Variants in SLC2A8 observed in about 807,000 individuals in gnomAD.
The protein encoded by SLC2A8 is solute carrier family 2 member 8.
In SLC2A8, 53 loss-of-function variants were observed where a neutral mutation model predicts 49.2. The observed-to-expected ratio is 1.08, with a 90% CI of 0.86 to 1.35. The LOEUF is 1.35. Ranked by LOEUF, SLC2A8 falls within the 40% of genes most tolerant of loss-of-function variation. The probability of loss-of-function intolerance (pLI) is 0.00; values close to 1 mark genes in which losing one functional copy is unlikely to be tolerated. For synonymous variants in SLC2A8, 299 were observed against 297.0 expected (o/e 1.01, Z -0.07); for missense variants, 688 against 671.7 (o/e 1.02, Z -0.27).
At chr9:127,402,170 C>A (rs547225516) in intron 4 of SLC2A8, among the ~76,000 whole-genome samples, 2 of 152,350 alleles carry the variant, frequency 1.3e-5, no homozygotes, top group Admixed American at 1.3e-4. Flanking sequence ...TTCTTGGTAG[C>A]CTTCAGAGAG....
chr9:127,402,241 G>A (rs1833315854), intron 4 of SLC2A8: 1 of 306,396 alleles, frequency 3.3e-6, no homozygotes, highest in African/African-American at 2.1e-5. Context: ...TACAAATGGT[G>A]CCACATCATA....
At position 127,403,689 on chromosome 9, in the gene SLC2A8, C is replaced by G. The variant is rs754447765; in HGVS notation, c.753C>G (p.Pro251=). 1 of 1,612,950 alleles carries G rather than the reference C, an allele frequency of 6.2e-7. No homozygotes were observed. Among genetic ancestry groups the G allele is most frequent in the East Asian group, 2.2e-5 (1 of 44,884 alleles). ...TTCACCTGGCCCTGCTGCGGCAGCC[C>G]GGCATCTACAAGCCCTTCATCATCG... The part of the protein sequence containing the change: ...QSFHLALLRQ[P]GIYKPFIIGV... The change falls in exon 6 of 10, where the codon CCC becomes CCG. Residue 251 remains proline (P), a synonymous_variant. Coordinates refer to ENST00000373371, the MANE Select transcript of SLC2A8 (RefSeq NM_014580.5).
rs1229614302 is a variant in SLC2A8 at position 127,404,920 on chromosome 9, CT to C, written c.1080del (p.Ala361HisfsTer64). 1 of 1,612,334 alleles carries C rather than the reference CT, an allele frequency of 6.2e-7. No homozygotes were observed. The highest frequency in any genetic ancestry group is 1.3e-5 in the African/African-American group (1 of 74,944). On this transcript the variant is annotated frameshift_variant, in exon 8 of 10. Coordinates refer to ENST00000373371, the MANE Select transcript of SLC2A8 (RefSeq NM_014580.5). LOFTEE classifies it high-confidence loss of function. ...CACGTGGCCATCTCGGCGCCTGTCTCTGCACAGCCTGTTGATGCCAGCGTGG... is the reference window on the plus strand; with the variant it reads ...CACGTGGCCATCTCGGCGCCTGTCTCGCACAGCCTGTTGATGCCAGCGTGG... ...SSHVAISAPV[S>X]AQPVDASVGL...
intron 8 of SLC2A8, among the ~76,000 whole-genome samples, 159 bp from the exon 9 acceptor site, chr9:127,405,261 G>A (rs1033571596): frequency 1.3e-5 from 2 of 152,200 alleles, no homozygotes; most frequent in Non-Finnish European, 2.9e-5. Flanking sequence ...GAGGCTGGCC[G>A]AGGCCTTGGC....
At chr9:127,400,125 C>G in intron 4 of SLC2A8, 119 bp downstream of exon 4, 2 of 702,416 alleles carry the variant, frequency 2.8e-6, no homozygotes, top group Non-Finnish European at 4.6e-6. Context: ...CAGTGCCCAA[C>G]ATGCCAGGCT....
At chr9:127,403,608 C>T (rs576676169) in intron 5 of SLC2A8, 52 bp from the exon 6 acceptor site, 19 of 1,608,162 alleles carry the variant, frequency 1.2e-5, no homozygotes, top group Non-Finnish European at 1.4e-5. Context: ...AGAGGGGGGC[C>T]GCTTGCGGGA....
At chr9:127,404,261 G>A (rs988971000) in intron 7 of SLC2A8, 194 bp downstream of exon 7, 36 of 543,232 alleles carry the variant, frequency 6.6e-5, no homozygotes, top group Admixed American at 1.0e-4. Flanking sequence ...CCCACACCAC[G>A]CCTTTAACCT....
chr9:127,405,510 T>G lies in SLC2A8; in HGVS notation c.1241T>G (p.Val414Gly). 6.2e-7 allele frequency: 1 copy of G among 1,613,252 alleles called. No individual in the cohort carries two copies. The highest frequency in any genetic ancestry group is 1.7e-5 in the Admixed American group (1 of 60,026). ...HVKGVATGICVLTNWLMAFLV... is the reference protein window; with the variant it reads ...HVKGVATGICGLTNWLMAFLV... ...AAGGGCGTGGCGACAGGCATCTGCGTCCTCACCAACTGGCTCATGGCCTTT... is the reference window on the plus strand; with the variant it reads ...AAGGGCGTGGCGACAGGCATCTGCGGCCTCACCAACTGGCTCATGGCCTTT... Residue 414 changes from valine (V) to glycine (G), a missense_variant, in exon 9 of 10, where the codon GTC (valine) becomes GGC (glycine). Physicochemically the swap from Val to Gly is moderately radical, Grantham distance 109. Coordinates refer to ENST00000373371, the MANE Select transcript of SLC2A8 (RefSeq NM_014580.5).
Position 127,405,426 on chromosome 9 carries a change from C to G in SLC2A8, c.1157C>G (p.Ala386Gly). The change falls in exon 9 of 10, where the codon GCG becomes GGG. Residue 386 changes from alanine (A) to glycine (G), a missense_variant. Coordinates refer to ENST00000373371, the MANE Select transcript of SLC2A8 (RefSeq NM_014580.5). ...GCCTGTCTCGCTCCCACAGGCTTTGCGGTGGGCTGGGGGCCCATCCCCTGG... is the reference window on the plus strand; with the variant it reads ...GCCTGTCTCGCTCCCACAGGCTTTGGGGTGGGCTGGGGGCCCATCCCCTGG... ...GSMCLFIAGF[A>G]VGWGPIPWLL... The G allele has an allele frequency of 6.2e-7, 1 of 1,612,550 alleles. No homozygotes were observed. Among genetic ancestry groups the G allele is most frequent in the Non-Finnish European group, 8.5e-7 (1 of 1,179,948 alleles).
intron 4 of SLC2A8, 86 bp downstream of exon 4, chr9:127,400,092 G>A: frequency 8.3e-7 from 1 of 1,205,224 alleles, no homozygotes; most frequent in African/African-American, 1.5e-5. Context: ...TGAGGTCAAG[G>A]GACTTGTCTG....
intron 7 of SLC2A8, chr9:127,404,516 G>T: frequency 2.5e-6 from 1 of 392,200 alleles, no homozygotes; most frequent in Non-Finnish European, 4.6e-6. Context: ...ACGGACATTT[G>T]GTACCCAGCA....
In SLC2A8 at chr9:127,402,732, C is replaced by A. The variant is rs1450302048; in HGVS notation, c.702C>A (p.Asp234Glu). The A allele has an allele frequency of 1.3e-6, 2 of 1,546,034 alleles. No individual in the cohort carries two copies. Among genetic ancestry groups the A allele is most frequent in the East Asian group, 4.8e-5 (2 of 41,516 alleles). Residue 234 changes from aspartate (D) to glutamate (E), a missense_variant, in exon 5 of 10, where the codon GAC becomes GAA. Physicochemically the swap from Asp to Glu is conservative, Grantham distance 45. Coordinates refer to ENST00000373371, the MANE Select transcript of SLC2A8 (RefSeq NM_014580.5). The part of the protein sequence containing the change: ...FLWGSEQGWE[D>E]PPIGAEQSFH... ...GGGGCTCCGAGCAGGGCTGGGAAGA[C>A]CCCCCCATCGGGGCTGAGCAGGTGA...
chr9:127,407,471 C>T lies in SLC2A8; in HGVS notation c.*222C>T, dbSNP rs139326727. 1.9e-5 allele frequency: 13 copies of T among 685,726 alleles called. No homozygotes were observed. The highest frequency in any genetic ancestry group is 3.0e-5 in the East Asian group (1 of 33,688). The allele number at this position is 685,726 out of a possible 1,614,324, so 42.5% of individuals were successfully genotyped here. ...TGCTCTGAGGACTCAGGAACACCTT[C>T]GAGCTTTGCAGACCTGCGGTCAGCC... On this transcript the variant is annotated 3_prime_UTR_variant, in exon 10 of 10. Transcript: ENST00000373371.
In SLC2A8 at chr9:127,399,887, C is replaced by A; in HGVS notation, c.427-20C>A. The stretch of plus-strand genomic sequence containing the variant: ...TGAGCCACTGCGCCCAGCCATAAAT[C>A]CTCATCTGATTGCTGGCAGGTCTAC... On this transcript the variant is annotated intron_variant, in intron 3 of 9. Transcript: ENST00000373371. This position sits in a 1 kb window ranked among gnomAD's most constrained non-coding sequence, Gnocchi z 4.2. The A allele has an allele frequency of 6.2e-7, 1 of 1,609,192 alleles. No individual in the cohort carries two copies. Among genetic ancestry groups the A allele is most frequent in the Non-Finnish European group, 8.5e-7 (1 of 1,176,272 alleles).
rs1470153036 is a variant in SLC2A8, at chr9:127,397,208, G to A, written c.-23G>A. 1 of 1,455,168 alleles carries A rather than the reference G, an allele frequency of 6.9e-7. No individual in the cohort carries two copies. The highest frequency in any genetic ancestry group is 3.0e-5 in the East Asian group (1 of 33,254). The allele number at this position is 1,455,168 out of a possible 1,614,324, so 90.1% of individuals were successfully genotyped here. On this transcript the variant is annotated 5_prime_UTR_variant, in exon 1 of 10. Transcript: ENST00000373371. ...CGTGGCGGTTCAGGCGCCAGAGCTG[G>A]CCGATCGGCGTTGGCCGCCGACATG...
intron 4 of SLC2A8, among the ~76,000 whole-genome samples, chr9:127,401,982 T>C (rs990790855): frequency 6.6e-6 from 1 of 152,276 alleles, no homozygotes. Flanking sequence ...TCTGCACTTA[T>C]GCTGTTCTTC....
rs1405333360 is a variant in SLC2A8 at position 127,397,496 on chromosome 9, CCCGGCCCCGCGCCT to C, written c.178_191del (p.Pro60GlyfsTer176). On this transcript the variant is annotated frameshift_variant, in exon 2 of 10. Coordinates refer to ENST00000373371, the MANE Select transcript of SLC2A8 (RefSeq NM_014580.5). LOFTEE classifies it high-confidence loss of function. ...TCCCTAGCCTGCAGCGCGCCGCGCC[CCCGGCCCCGCGCCT>C]GGACGACGCCGCCGCCTCCTGGTTC... 6.9e-7 allele frequency: 1 copy of C among 1,452,096 alleles called. No homozygotes were observed. Among genetic ancestry groups the C allele is most frequent in the Non-Finnish European group, 9.0e-7 (1 of 1,112,910 alleles). The allele number at this position is 1,452,096 out of a possible 1,614,324, so 90.0% of individuals were successfully genotyped here.
chr9:127,402,896 A>T (rs991178980), intron 5 of SLC2A8, 143 bp downstream of exon 5: 23 of 1,077,552 alleles, frequency 2.1e-5, no homozygotes, highest in Middle Eastern at 6.2e-4. Flanking sequence ...GGACAGGCCC[A>T]GTGTGTCCTG....
rs1184231955 is a variant in SLC2A8 at position 127,402,769 on chromosome 9, G to A, written c.723+16G>A. The A allele has an allele frequency of 6.6e-6, 10 of 1,523,572 alleles. No individual in the cohort carries two copies. The highest frequency in any genetic ancestry group is 2.8e-5 in the African/African-American group (2 of 72,468). 94.4% of individuals were successfully genotyped at this position (1,523,572 alleles called of 1,614,324 possible). ...GGCTGAGCAGGTGAGAGGCTGGAAG[G>A]CAGAGCTGACAGGAGTGGGACAGCA... On this transcript the variant is annotated intron_variant, in intron 5 of 9. Coordinates refer to ENST00000373371, the MANE Select transcript of SLC2A8 (RefSeq NM_014580.5).
Sources: allele counts gnomAD v4.1 joint callset (sites outside exome capture counted in the v4.1 genomes callset), GRCh38; gene constraint gnomAD v4.1.1; non-coding constraint Gnocchi (gnomAD v3.1); transcripts MANE v1.5; gene names NCBI Gene and HGNC (gene_info 2026-07-23, HGNC 2026-07-21).